The following DNA2 variants were observed in gnomAD, a reference collection of about 807,000 sequenced individuals.
The protein encoded by DNA2 is DNA replication helicase/nuclease 2.
A neutral mutation model predicts 119.1 loss-of-function variants in DNA2; 101 were observed. The observed-to-expected ratio is 0.85, with a 90% CI of 0.72 to 1.00. The LOEUF (loss-of-function observed/expected upper bound fraction) is 1.00. DNA2 is among the 50% of genes least tolerant of loss of function. The pLI, the probability that DNA2 is intolerant of heterozygous loss-of-function variation, is 0.00. For missense variants in DNA2, 1,121 were observed against 1,255.5 expected (o/e 0.89, Z 1.62); for synonymous variants, 366 against 424.4 (o/e 0.86, Z 1.69).
At position 68,436,950 on chromosome 10, in the gene DNA2, C is replaced by T. The variant is rs150097454; in HGVS notation, c.1646+61G>A. ...GAATTGTACATTTTAAATGGATGAA[C>T]TACACAGATGTGAATTATATATCAA... On this transcript the variant is annotated intron_variant, in intron 10 of 20. Coordinates refer to ENST00000358410, the MANE Select transcript of DNA2 (RefSeq NM_001080449.3). 8.4e-5 allele frequency: 109 copies of T among 1,299,512 alleles called. No homozygotes were observed. The East Asian group carries it at 2.5e-3, about 29-fold the overall frequency. The allele number at this position is 1,299,512 out of a possible 1,614,324, so 80.5% of individuals were successfully genotyped here.
intron 5 of DNA2, among the ~76,000 whole-genome samples, chr10:68,454,231 G>A (rs2052155762): frequency 6.6e-6 from 1 of 151,914 alleles, no homozygotes; most frequent in Non-Finnish European, 1.5e-5. Flanking sequence ...AGTTATCCCT[G>A]TAACAACAGT....
chr10:68,460,347 A>T (rs2052240630), intron 4 of DNA2, among the ~76,000 whole-genome samples: 1 of 151,540 alleles, frequency 6.6e-6, no homozygotes, highest in Middle Eastern at 3.2e-3. Flanking sequence ...GGGCTCAAGC[A>T]ATCTGCCCAC....
In DNA2 at chr10:68,422,890, G is replaced by A. The variant is rs776603599; in HGVS notation, c.2209C>T (p.Leu737Phe). 1.3e-5 allele frequency: 21 copies of A among 1,559,686 alleles called. No individual in the cohort carries two copies. The highest frequency in any genetic ancestry group is 1.7e-5 in the Non-Finnish European group (20 of 1,157,226). ...ALLEELYNSQLIVATTCMGIN... is the reference protein window; with the variant it reads ...ALLEELYNSQFIVATTCMGIN... ...CCCATACATGTTGTTGCAACTATAA[G>A]CTAAAAACAAGGAAAACAGATCAGT... is the stretch of plus-strand genomic sequence containing the variant. The change falls in exon 15 of 21, where the codon CTT (leucine) becomes TTT (phenylalanine). Residue 737 changes from leucine (L) to phenylalanine (F), a missense_variant and splice_region_variant. Transcript: ENST00000358410.
At chr10:68,429,486 G>A (rs113119921) in intron 14 of DNA2, among the ~76,000 whole-genome samples, 6,861 of 149,858 alleles carry the variant, frequency 0.046, 523 homozygotes, top group African/African-American at 0.16. Context: ...AGAGGCTGCT[G>A]TGAGCTGAGA....
Position 68,430,608 on chromosome 10 carries a change from T to G in DNA2, c.2036A>C (p.His679Pro). The change falls in exon 14 of 21, where the codon CAC (histidine) becomes CCC (proline). Residue 679 changes from histidine to proline, a missense_variant. His to Pro is a moderately conservative substitution (Grantham distance 77). Coordinates refer to ENST00000358410, the MANE Select transcript of DNA2 (RefSeq NM_001080449.3). Reference protein sequence around the residue: ...GFSVLLTSYTHSAVDNILLKL... With the variant: ...GFSVLLTSYTPSAVDNILLKL... Reference sequence around the variant, plus strand: ...CAAAAGAATATTGTCAACAGCAGAGTGTGTATAGCTGGTCAACAAAACGCT... The same window carrying G: ...CAAAAGAATATTGTCAACAGCAGAGGGTGTATAGCTGGTCAACAAAACGCT... 1 of 1,606,690 alleles carries G rather than the reference T, an allele frequency of 6.2e-7. No individual in the cohort carries two copies. Among genetic ancestry groups the G allele is most frequent in the Non-Finnish European group, 8.5e-7 (1 of 1,176,438 alleles).
Position 68,417,472 on chromosome 10 carries a change from G to A in DNA2, c.2968-617C>T, listed in dbSNP as rs118158636. Among the ~76,000 whole-genome samples, 108 of 144,838 alleles carry A rather than the reference G, an allele frequency of 7.5e-4. 4 individuals carry two copies. The East Asian group carries it at 0.021, about 28-fold the overall frequency. On this transcript the variant is annotated intron_variant, in intron 19 of 20. Transcript: ENST00000358410. ...GAGCTCGGGAGTTGCCCATAAGCCCGGGCAACATGGCTCTCTGCAAAAAAT... is the reference window on the plus strand; with the variant it reads ...GAGCTCGGGAGTTGCCCATAAGCCCAGGCAACATGGCTCTCTGCAAAAAAT...
At position 68,422,418 on chromosome 10, in the gene DNA2, G is replaced by A. The variant is rs372971290; in HGVS notation, c.2504C>T (p.Ser835Phe). ...VQYRMNSKIM[S>F]LSNKLTYEGK... ...CTCATAGGTCAGCTTATTACTTAAG[G>A]ACATAATTTTACTAAGGGAATTACA... Residue 835 changes from serine to phenylalanine, a missense_variant, in exon 17 of 21, where the codon TCC (serine) becomes TTC (phenylalanine). Physicochemically the swap from Ser to Phe is radical, Grantham distance 155. Transcript: ENST00000358410. 1.7e-5 allele frequency: 27 copies of A among 1,613,328 alleles called. No homozygotes were observed. Among genetic ancestry groups the A allele is most frequent in the Non-Finnish European group, 2.2e-5 (26 of 1,179,626 alleles).
chr10:68,424,126 C>A (rs1252841844), intron 14 of DNA2, among the ~76,000 whole-genome samples: 2 of 151,290 alleles, frequency 1.3e-5, no homozygotes, highest in South Asian at 4.1e-4. Flanking sequence ...TAATTATGAA[C>A]ACGCTTGAAT....
chr10:68,415,013 T>G lies in DNA2; in HGVS notation c.*26A>C, dbSNP rs1323812287. 1 of 1,496,658 alleles carries G rather than the reference T, an allele frequency of 6.7e-7. No individual in the cohort carries two copies. Among genetic ancestry groups the G allele is most frequent in the Non-Finnish European group, 9.2e-7 (1 of 1,091,916 alleles). The allele number at this position is 1,496,658 out of a possible 1,614,324, so 92.7% of individuals were successfully genotyped here. A position where few individuals can be genotyped will look rare whatever the true frequency, so the allele number is the denominator to read the frequency against. On this transcript the variant is annotated 3_prime_UTR_variant, in exon 21 of 21. Transcript: ENST00000358410. Reference sequence around the variant, plus strand: ...CTAGCTAGAGGAGATACTGCCCTAGTATGAAAAGGCAAGGGAAATAGTGTT... The same window carrying G: ...CTAGCTAGAGGAGATACTGCCCTAGGATGAAAAGGCAAGGGAAATAGTGTT...
At chr10:68,465,847 A>G (rs1432375940) in intron 3 of DNA2, 35 bp from the exon 4 acceptor site, 1 of 1,445,674 alleles carries the variant, frequency 6.9e-7, no homozygotes, top group Middle Eastern at 1.9e-4. Flanking sequence ...ATTTCACAAC[A>G]TATTAACAGA....
At chr10:68,438,519 C>CAA (rs771668428) in intron 9 of DNA2, among the ~76,000 whole-genome samples, 7,057 of 135,678 alleles carry the variant, frequency 0.052, 309 homozygotes, top group East Asian at 0.21. Flanking sequence ...AACTCCGTCT[C>CAA]AAAAAAAAGA....
intron 14 of DNA2, among the ~76,000 whole-genome samples, chr10:68,425,164 G>A (rs1291067986): frequency 7.0e-5 from 10 of 143,308 alleles, no homozygotes; most frequent in Middle Eastern, 3.5e-3. Context: ...GCATTATCTC[G>A]GCTCACTGCA....
At position 68,448,594 on chromosome 10, in the gene DNA2, TC is replaced by T. The variant is rs1024512612; in HGVS notation, c.939+1433del. On this transcript the variant is annotated intron_variant, in intron 6 of 20. Coordinates refer to ENST00000358410, the MANE Select transcript of DNA2 (RefSeq NM_001080449.3). The stretch of plus-strand genomic sequence containing the variant: ...GTTCTAGCAAATTTCCTCATTTTTT[TC>T]AATACAAGAATTACTACTTTATTCT... Among the ~76,000 whole-genome samples, 10 of 152,206 alleles carry T rather than the reference TC, an allele frequency of 6.6e-5. 1 individual carries two copies. The East Asian group carries it at 1.7e-3, about 26-fold the overall frequency.
intron 10 of DNA2, among the ~76,000 whole-genome samples, chr10:68,436,559 G>A (rs534817032): frequency 6.6e-6 from 1 of 152,164 alleles, no homozygotes. Context: ...ACATTAAAAT[G>A]GTTAATGATC....
chr10:68,433,988 C>T (rs2051854962), intron 10 of DNA2, among the ~76,000 whole-genome samples: 1 of 152,144 alleles, frequency 6.6e-6, no homozygotes, highest in African/African-American at 2.4e-5. Flanking sequence ...GAAAAGGCTT[C>T]CCTTGGGCTG....
intron 14 of DNA2, among the ~76,000 whole-genome samples, chr10:68,429,525 C>G (rs1168537335): frequency 9.1e-6 from 1 of 109,808 alleles, no homozygotes; most frequent in Admixed American, 1.1e-4. Context: ...GCCTGGGCAA[C>G]AAGAATAAAA....
chr10:68,465,026 T>C (rs199994409), intron 4 of DNA2, among the ~76,000 whole-genome samples: 12,997 of 149,252 alleles, frequency 0.087, 899 homozygotes, highest in South Asian at 0.24. Context: ...GCATTTTTTT[T>C]TTTTTTTTTT....
chr10:68,425,796 A>AT (rs2133368465), intron 14 of DNA2, among the ~76,000 whole-genome samples: 1 of 151,060 alleles, frequency 6.6e-6, no homozygotes, highest in East Asian at 1.9e-4. Flanking sequence ...AAAATGGGAA[A>AT]TGTTTCATAA....
intron 5 of DNA2, among the ~76,000 whole-genome samples, chr10:68,452,331 C>A (rs1054146511): frequency 3.9e-5 from 6 of 152,072 alleles, no homozygotes; most frequent in African/African-American, 1.4e-4. Flanking sequence ...TCTTGATCTC[C>A]CAAAGTGCTG....
Sources: allele counts gnomAD v4.1 joint callset (sites outside exome capture counted in the v4.1 genomes callset), GRCh38; gene constraint gnomAD v4.1.1; transcripts MANE v1.5; gene names NCBI Gene and HGNC (gene_info 2026-07-23, HGNC 2026-07-21).